AHI1: variants seen among roughly 807,000 people sequenced by gnomAD.
The protein encoded by AHI1 is Abelson helper integration site 1.
Under a neutral mutation model 149.3 loss-of-function variants are expected in AHI1, and 123 were observed. The ratio of observed to expected loss-of-function variants is 0.82; its 90% CI spans 0.71 to 0.96. AHI1 has a LOEUF of 0.96. AHI1 is among the 40% of genes least tolerant of loss of function. The pLI is 0.00. For missense variants in AHI1, 1,439 were observed against 1,422.7 expected, an observed-to-expected ratio of 1.01 and a Z score of -0.18; for synonymous variants, 475 against 459.8, an observed-to-expected ratio of 1.03 and a Z score of -0.42.
intron 24 of AHI1, among the ~76,000 whole-genome samples, chr6:135,332,604 T>C (rs963168644): frequency 3.3e-5 from 5 of 152,224 alleles, no homozygotes; most frequent in Non-Finnish European, 7.3e-5. Context: ...CAAAACTAAC[T>C]TGTTAATTCA....
At chr6:135,493,394 T>G (rs757409340) in intron 3 of AHI1, among the ~76,000 whole-genome samples, 1 of 152,226 alleles carries the variant, frequency 6.6e-6, no homozygotes, top group Non-Finnish European at 1.5e-5. Context: ...AAAGGAATGA[T>G]TATGTAAACA....
chr6:135,345,699 T>TG (rs369233581), intron 24 of AHI1, among the ~76,000 whole-genome samples: 48 of 151,942 alleles, frequency 3.2e-4, no homozygotes, highest in African/African-American at 1.1e-3. Flanking sequence ...GGATTTCTTC[T>TG]GGGGGGGCAA....
chr6:135,430,570 C>G (rs548763094), intron 17 of AHI1, among the ~76,000 whole-genome samples: 1 of 151,722 alleles, frequency 6.6e-6, no homozygotes, highest in South Asian at 2.1e-4. Context: ...ATATGTTAGG[C>G]AGAAACTGAA....
intron 24 of AHI1, among the ~76,000 whole-genome samples, chr6:135,345,283 CAG>C (rs1791025983): frequency 1.3e-5 from 2 of 152,126 alleles, no homozygotes; most frequent in Non-Finnish European, 2.9e-5. Flanking sequence ...GAAGGTTAAA[CAG>C]AGTTACCATA....
chr6:135,447,585 A>G (rs1268395926), intron 12 of AHI1, among the ~76,000 whole-genome samples: 1 of 152,214 alleles, frequency 6.6e-6, no homozygotes, highest in African/African-American at 2.4e-5. Context: ...ATCCAAACCA[A>G]TGCAAATCAG....
intron 10 of AHI1, among the ~76,000 whole-genome samples, chr6:135,455,463 C>T (rs1788783325): frequency 6.6e-6 from 1 of 152,190 alleles, no homozygotes; most frequent in Non-Finnish European, 1.5e-5. Context: ...TTCATCACTT[C>T]ACTACAGTTA....
In AHI1 at chr6:135,337,158, C is replaced by CA. The variant is rs565454770; in HGVS notation, c.3166-13835dup. Among the ~76,000 whole-genome samples the CA allele has an allele frequency of 2.4e-3, 358 of 147,922 alleles. 1 individual carries two copies. Among genetic ancestry groups the CA allele is most frequent in the African/African-American group, 6.9e-3 (280 of 40,322 alleles). On this transcript the variant is annotated intron_variant, in intron 24 of 28. Transcript: ENST00000265602. Reference sequence around the variant, plus strand: ...CTTGTCACTTTCCTTAAAATTATGCCAAAAAAAAAGGGTCTTAAAGACTTG... The same window carrying CA: ...CTTGTCACTTTCCTTAAAATTATGCCAAAAAAAAAAGGGTCTTAAAGACTTG...
In AHI1 at chr6:135,433,052, G is replaced by C; in HGVS notation, c.2241C>G (p.Ile747Met). Residue 747 changes from isoleucine (I) to methionine (M), a missense_variant, in exon 16 of 29, where the codon ATC becomes ATG. Ile to Met is a conservative substitution (Grantham distance 10). Coordinates refer to ENST00000265602, the MANE Select transcript of AHI1 (RefSeq NM_001134831.2). ...CTTCAGTATCAAAACAAAGTGAGTT[G>C]ATAAAACTTTTGTGAACATCAAACT... ...VRQFDVHKSF[I>M]NSLCFDTEGH... is the part of the protein sequence containing the mutation. The C allele has an allele frequency of 6.2e-7, 1 of 1,612,836 alleles. No individual in the cohort carries two copies. The highest frequency in any genetic ancestry group is 8.5e-7 in the Non-Finnish European group (1 of 1,178,990).
At chr6:135,318,474 GA>G (rs1368143828) in intron 26 of AHI1, 44 bp downstream of exon 26, 1 of 1,205,854 alleles carries the variant, frequency 8.3e-7, no homozygotes, top group Non-Finnish European at 1.2e-6. Context: ...CAGAGAGAGT[GA>G]AAATCAAAGT....
At chr6:135,293,235 A>C (rs2128341890) in intron 27 of AHI1, among the ~76,000 whole-genome samples, 1 of 152,080 alleles carries the variant, frequency 6.6e-6, no homozygotes, top group East Asian at 1.9e-4. Context: ...TACCTAATAA[A>C]GGGCATTTAT....
intron 22 of AHI1, among the ~76,000 whole-genome samples, chr6:135,396,934 A>G (rs1779302278): frequency 6.6e-6 from 1 of 151,642 alleles, no homozygotes; most frequent in African/African-American, 2.4e-5. Flanking sequence ...AATACCTGGA[A>G]AGTTAAAATA....
At chr6:135,387,813 T>G (rs557707494) in intron 23 of AHI1, 1 of 1,366,596 alleles carries the variant, frequency 7.3e-7, no homozygotes, top group African/African-American at 1.5e-5. Flanking sequence ...CTCCCAATAT[T>G]TTATGAGTTT....
At position 135,421,209 on chromosome 6, in the gene AHI1, CATA is replaced by C. The variant is rs1383049680; in HGVS notation, c.2764+5955_2764+5957del. 1.1e-4 allele frequency among the ~76,000 whole-genome samples: 16 copies of C among 152,152 alleles called. No homozygotes were observed. In the South Asian group the frequency reaches 2.9e-3, roughly 28 times the overall value. On this transcript the variant is annotated intron_variant, in intron 20 of 28. Transcript: ENST00000265602. ...ACTCACCGCAGATCACCATAACAGA[CATA>C]ATAATGAAAAGGTTTGAAATATTTT...
In AHI1 at chr6:135,497,706, G is replaced by T. The variant is rs977958410; in HGVS notation, c.-325C>A. Reference sequence around the variant, plus strand: ...GGCCACGCAGCCACCTAACCCGCCAGCGACCCGTGTCCTGAAAGCAAGCCG... The same window carrying T: ...GGCCACGCAGCCACCTAACCCGCCATCGACCCGTGTCCTGAAAGCAAGCCG... On this transcript the variant is annotated 5_prime_UTR_variant, in exon 1 of 29. In the 5' UTR this introduces an upstream ATG that the reference lacks. Coordinates refer to ENST00000265602, the MANE Select transcript of AHI1 (RefSeq NM_001134831.2). The T allele has an allele frequency of 5.9e-6, 1 of 169,222 alleles. No individual in the cohort carries two copies. Among genetic ancestry groups the T allele is most frequent in the African/African-American group, 2.4e-5 (1 of 41,546 alleles). 10.5% of individuals were successfully genotyped at this position (169,222 alleles called of 1,614,324 possible). A position where few individuals can be genotyped will look rare whatever the true frequency, so the allele number is the denominator to read the frequency against.
intron 23 of AHI1, among the ~76,000 whole-genome samples, chr6:135,382,430 T>C (rs1459775929): frequency 6.6e-6 from 1 of 152,230 alleles, no homozygotes; most frequent in African/African-American, 2.4e-5. Context: ...CTAAACCTAA[T>C]TTCCATTGTT....
At chr6:135,302,964 A>G (rs1784075111) in intron 26 of AHI1, 1 of 447,010 alleles carries the variant, frequency 2.2e-6, no homozygotes, top group Non-Finnish European at 3.7e-6. Flanking sequence ...CTTCATGGAT[A>G]TCATTGATTT....
At chr6:135,325,180 C>T (rs1209141174) in intron 24 of AHI1, among the ~76,000 whole-genome samples, 2 of 152,134 alleles carry the variant, frequency 1.3e-5, no homozygotes, top group African/African-American at 4.8e-5. Context: ...GCGCCCACCA[C>T]CGCGCCTGGC....
intron 15 of AHI1, among the ~76,000 whole-genome samples, chr6:135,435,884 A>G (rs1535435): frequency 0.77 from 116,791 of 152,090 alleles, 48,984 homozygotes; most frequent in Non-Finnish European, 0.91. Flanking sequence ...AGTGCTAGTT[A>G]GATGTGAAAG....
intron 23 of AHI1, among the ~76,000 whole-genome samples, chr6:135,392,518 C>T (rs1778653337): frequency 1.3e-5 from 2 of 152,140 alleles, no homozygotes; most frequent in Admixed American, 1.3e-4. Flanking sequence ...GTGTAAATAG[C>T]TTTCTTTTAT....
Sources: gnomAD v4.1 joint callset for allele counts (sites outside exome capture counted in the v4.1 genomes callset) on GRCh38, gnomAD v4.1.1 for gene constraint, MANE v1.5 for transcripts, NCBI Gene and HGNC (gene_info 2026-07-23, HGNC 2026-07-21) for gene names.